The following MECOM variants were observed in gnomAD, a reference collection of about 807,000 sequenced individuals.
MECOM encodes the protein MDS1 and EVI1 complex locus.
A neutral mutation model predicts 116.3 loss-of-function variants in MECOM; 13 were observed. The observed-to-expected ratio is 0.11, with a 90% CI of 0.07 to 0.18. The LOEUF is 0.18. MECOM is among the 10% of genes least tolerant of loss of function. The pLI is 1.00. For synonymous variants in MECOM, 528 were observed against 535.2 expected, an observed-to-expected ratio of 0.99 and a Z score of 0.19; for missense variants, 1,299 against 1,509.0, an observed-to-expected ratio of 0.86 and a Z score of 2.31.
chr3:169,091,043 T>A (rs935955712), intron 14 of MECOM, among the ~76,000 whole-genome samples: 2 of 152,022 alleles, frequency 1.3e-5, no homozygotes, highest in Non-Finnish European at 2.9e-5. Context: ...CCAGAAAAAG[T>A]CATATCATTA....
At chr3:169,181,339 A>T (rs2149396330) in intron 2 of MECOM, among the ~76,000 whole-genome samples, 1 of 152,352 alleles carries the variant, frequency 6.6e-6, no homozygotes, top group South Asian at 2.1e-4. Flanking sequence ...TTGGCTATTT[A>T]GTGCCATTAA....
chr3:169,274,338 G>A (rs1374792354), intron 2 of MECOM, among the ~76,000 whole-genome samples: 1 of 152,172 alleles, frequency 6.6e-6, no homozygotes, highest in African/African-American at 2.4e-5. Flanking sequence ...ACTTGATAAT[G>A]AGAATAAGAA....
At chr3:169,364,421 A>G (rs1728820541) in intron 2 of MECOM, among the ~76,000 whole-genome samples, 1 of 151,994 alleles carries the variant, frequency 6.6e-6, no homozygotes, top group Non-Finnish European at 1.5e-5. Context: ...AAATAATACT[A>G]CTTTTTCCTT....
chr3:169,099,139 G>A (rs1461218508), intron 12 of MECOM, among the ~76,000 whole-genome samples: 2 of 150,688 alleles, frequency 1.3e-5, no homozygotes, highest in African/African-American at 4.9e-5. Flanking sequence ...AACCCAGAGG[G>A]GCTGGACAAA....
intron 1 of MECOM, among the ~76,000 whole-genome samples, chr3:169,476,707 T>C (rs1423988438): frequency 2.0e-5 from 3 of 152,014 alleles, no homozygotes; most frequent in South Asian, 2.1e-4. Flanking sequence ...CCTTTACATA[T>C]TTTTGTGAAA....
intron 1 of MECOM, among the ~76,000 whole-genome samples, chr3:169,559,518 C>T (rs1762416032): frequency 6.6e-6 from 1 of 152,194 alleles, no homozygotes; most frequent in Admixed American, 6.5e-5. Context: ...GGGGTGTACA[C>T]TTTCCATTTT....
chr3:169,592,939 G>A (rs1209714049), intron 1 of MECOM, among the ~76,000 whole-genome samples: 1 of 152,142 alleles, frequency 6.6e-6, no homozygotes, highest in Non-Finnish European at 1.5e-5. Context: ...AAAAAATACG[G>A]TGTATGTTTA....
rs1479986945 is a variant in MECOM, at chr3:169,116,071, G to C, written c.1801C>G (p.Leu601Val). The C allele has an allele frequency of 6.2e-7, 1 of 1,614,106 alleles. No individual in the cohort carries two copies. The highest frequency in any genetic ancestry group is 1.7e-5 in the Admixed American group (1 of 60,006). ...SDLETTSGSD[L>V]ESDIESDKEK... is the part of the protein sequence containing the mutation. ...TTATCACTTTCAATGTCACTTTCCAGATCAGAGCCCGAGGTTGTTTCCAGG... is the reference window on the plus strand; with the variant it reads ...TTATCACTTTCAATGTCACTTTCCACATCAGAGCCCGAGGTTGTTTCCAGG... Residue 601 changes from leucine to valine, a missense_variant, in exon 8 of 17, where the codon CTG becomes GTG. Around this residue, in one of 6 missense-constraint regions of MECOM, gnomAD observed 238 missense variants for 273.1 expected, o/e 0.87. Transcript: ENST00000651503.
At chr3:169,259,452 G>A (rs1757265508) in intron 2 of MECOM, among the ~76,000 whole-genome samples, 1 of 152,166 alleles carries the variant, frequency 6.6e-6, no homozygotes, top group African/African-American at 2.4e-5. Flanking sequence ...TCTGGGCCAG[G>A]CACAGTGGCT....
intron 2 of MECOM, among the ~76,000 whole-genome samples, chr3:169,228,892 G>C (rs987101479): frequency 6.6e-6 from 1 of 152,124 alleles, no homozygotes; most frequent in East Asian, 1.9e-4. Flanking sequence ...ATCCCAAATT[G>C]GGCCACTCTT....
At chr3:169,339,991 C>T (rs1042420794) in intron 2 of MECOM, among the ~76,000 whole-genome samples, 2 of 152,170 alleles carry the variant, frequency 1.3e-5, no homozygotes, top group African/African-American at 2.4e-5. Flanking sequence ...ATTTGAAAGC[C>T]CAAGACATGT....
intron 1 of MECOM, among the ~76,000 whole-genome samples, chr3:169,505,596 G>T (rs930375442): frequency 2.0e-5 from 3 of 152,278 alleles, no homozygotes; most frequent in African/African-American, 7.2e-5. Flanking sequence ...GAACATTTAA[G>T]ATCTACATTC....
chr3:169,185,097 A>C (rs894151474), intron 2 of MECOM, among the ~76,000 whole-genome samples: 3 of 152,192 alleles, frequency 2.0e-5, no homozygotes, highest in Non-Finnish European at 4.4e-5. Flanking sequence ...GGAAACGTTC[A>C]GGTGGAGATA....
rs1020278682 is a variant in MECOM, at chr3:169,472,900, T to A, written c.38-91376A>T. The A allele has an allele frequency of 1.3e-5, 11 of 858,590 alleles. No individual in the cohort carries two copies. The African/African-American group carries it at 1.6e-4, about 13-fold the overall frequency. 53.2% of individuals were successfully genotyped at this position (858,590 alleles called of 1,614,324 possible). A position where few individuals can be genotyped will look rare whatever the true frequency, so the allele number is the denominator to read the frequency against. ...GCTTACTATTGTGGTAAGACAAATA[T>A]GTCACATGTTCTAAAAATCAATCAA... On this transcript the variant is annotated intron_variant, in intron 1 of 16. Coordinates refer to ENST00000651503, the MANE Select transcript of MECOM (RefSeq NM_004991.4).
chr3:169,221,141 C>A (rs1015860169), intron 2 of MECOM, among the ~76,000 whole-genome samples: 7 of 152,180 alleles, frequency 4.6e-5, no homozygotes, highest in Non-Finnish European at 8.8e-5. Flanking sequence ...TGGGCAAATA[C>A]TGGAACTATC....
chr3:169,611,095 T>C lies in MECOM; in HGVS notation c.37+52241A>G, dbSNP rs1224121939. Among the ~76,000 whole-genome samples the C allele has an allele frequency of 6.6e-6, 1 of 152,214 alleles. No individual in the cohort carries two copies. The highest frequency in any genetic ancestry group is 1.5e-5 in the Non-Finnish European group (1 of 68,032). Reference sequence around the variant, plus strand: ...AGTCAGTGAGCTGAAGTGGAGCTGATAAATCTGTTTTTGTTGATACTGCTG... The same window carrying C: ...AGTCAGTGAGCTGAAGTGGAGCTGACAAATCTGTTTTTGTTGATACTGCTG... On this transcript the variant is annotated intron_variant, in intron 1 of 16. Transcript: ENST00000651503. The surrounding 1 kb of genome is among the most constrained non-coding windows in gnomAD (Gnocchi z 4.1).
At chr3:169,396,359 A>G (rs1380425506) in intron 1 of MECOM, among the ~76,000 whole-genome samples, 1 of 152,222 alleles carries the variant, frequency 6.6e-6, no homozygotes, top group Admixed American at 6.5e-5. Flanking sequence ...CAGGAGTCAC[A>G]TATGACAATA....
rs183951530 is a variant in MECOM, at chr3:169,382,876, A to G, written c.38-1352T>C. On this transcript the variant is annotated intron_variant, in intron 1 of 16. Coordinates refer to ENST00000651503, the MANE Select transcript of MECOM (RefSeq NM_004991.4). ...AAAAAAAAAAAAAATAAAAAAAATA[A>G]AAAAAGAAGGTAAAATGGGTTGCCT... Among the ~76,000 whole-genome samples the G allele has an allele frequency of 4.0e-3, 513 of 127,434 alleles. 10 individuals are homozygous for G. The highest frequency in any genetic ancestry group is 0.016 in the East Asian group (57 of 3,498). The allele number at this position is 127,434 out of a possible 152,430, so 83.6% of individuals were successfully genotyped here.
intron 1 of MECOM, among the ~76,000 whole-genome samples, chr3:169,645,352 T>C (rs1376527668): frequency 6.6e-6 from 1 of 152,214 alleles, no homozygotes; most frequent in Non-Finnish European, 1.5e-5. Flanking sequence ...CATTGCTTCC[T>C]TTGCATGGGA....
Sources: allele counts gnomAD v4.1 joint callset (sites outside exome capture counted in the v4.1 genomes callset), GRCh38; gene constraint gnomAD v4.1.1; regional missense constraint gnomAD v4.1.1; non-coding constraint Gnocchi (gnomAD v3.1); transcripts MANE v1.5; gene names NCBI Gene and HGNC (gene_info 2026-07-23, HGNC 2026-07-21).